MCF2: variants seen among roughly 807,000 people sequenced by gnomAD.
The protein encoded by MCF2 is proto-oncogene DBL.
A neutral mutation model predicts 82.5 loss-of-function variants in MCF2; 44 were observed. That is an observed-to-expected ratio of 0.53 (90% CI 0.42 to 0.69). The LOEUF is 0.69. Among genes scored for constraint, MCF2 ranks in the 30% least tolerant of loss-of-function variants. The pLI, the probability that MCF2 is intolerant of heterozygous loss-of-function variation, is 0.00. For missense variants in MCF2, 623 were observed against 663.1 expected, an observed-to-expected ratio of 0.94 and a Z score of 0.66; for synonymous variants, 217 against 224.9, an observed-to-expected ratio of 0.96 and a Z score of 0.32.
intron 15 of MCF2, 28 bp downstream of exon 19, chrX:139,604,653 T>A: frequency 1.0e-6 from 1 of 988,763 alleles, no homozygotes; most frequent in South Asian, 2.4e-5. Flanking sequence ...TGCATATTTA[T>A]ATATATTTAA....
At chrX:139,587,727 C>G (rs1453448554) in exon 22 of MCF2, 2 of 1,186,847 alleles carry the variant, frequency 1.7e-6, no homozygotes, top group Non-Finnish European at 2.3e-6. Flanking sequence ...CATCATTCTG[C>G]TGAAGAGAAA....
intron 1 of MCF2, among the ~76,000 whole-genome samples, chrX:139,659,358 G>A (rs1282723736): frequency 9.0e-6 from 1 of 111,286 alleles, no homozygotes; most frequent in Non-Finnish European, 1.9e-5. Flanking sequence ...CATGATTTGA[G>A]TACATATCAC....
At chrX:139,699,745 CATCAGTTGATAG>C (rs1935452020) in intron 1 of MCF2, among the ~76,000 whole-genome samples, 1 of 112,173 alleles carries the variant, frequency 8.9e-6, no homozygotes, top group African/African-American at 3.2e-5. Context: ...TTTATTCATT[CATCAGTTGATAG>C]ATACCATGTT....
intron 1 of MCF2, among the ~76,000 whole-genome samples, chrX:139,665,706 T>C (rs1452881661): frequency 9.2e-6 from 1 of 108,933 alleles, no homozygotes; most frequent in East Asian, 2.9e-4. Flanking sequence ...TTGAATTTGG[T>C]GTTCCTGCAG....
At chrX:139,607,203 T>C (rs1475538631) in intron 12 of MCF2, 1 of 111,204 alleles carries the variant, frequency 9.0e-6, no homozygotes, top group African/African-American at 3.3e-5. Flanking sequence ...TAACTTGATA[T>C]GGTAATCATT....
At chrX:139,613,603 C>T (rs1402945873) in intron 10 of MCF2, among the ~76,000 whole-genome samples, 1 of 111,133 alleles carries the variant, frequency 9.0e-6, no homozygotes, top group East Asian at 2.8e-4. Flanking sequence ...GAAACTGAGG[C>T]TAAAGAGGCT....
intron 1 of MCF2, among the ~76,000 whole-genome samples, chrX:139,669,075 A>G (rs1934606945): frequency 8.9e-6 from 1 of 112,104 alleles, no homozygotes; most frequent in Non-Finnish European, 1.9e-5. Context: ...GTGCTTCAAA[A>G]GATACTAAGA....
At chrX:139,667,000 G>C (rs994628005) in intron 1 of MCF2, among the ~76,000 whole-genome samples, 1 of 110,651 alleles carries the variant, frequency 9.0e-6, no homozygotes, top group East Asian at 2.8e-4. Flanking sequence ...GTGTATTATT[G>C]ATGCTTTCAA....
At chrX:139,639,824 A>G (rs1344543774) in intron 1 of MCF2, among the ~76,000 whole-genome samples, 1 of 112,123 alleles carries the variant, frequency 8.9e-6, no homozygotes, top group East Asian at 2.8e-4. Flanking sequence ...TTGGTTACTT[A>G]CTATAAAAAT....
At chrX:139,638,527 A>G (rs1933370375) in intron 1 of MCF2, among the ~76,000 whole-genome samples, 1 of 111,735 alleles carries the variant, frequency 8.9e-6, no homozygotes. Context: ...GAGGGCACTC[A>G]TAAGTCAGTT....
chrX:139,619,499 TTAA>T lies in MCF2; in HGVS notation c.807+85_807+87del, dbSNP rs1470892670. ...TTATGGAAAAATAAAAATAAAGAAA[TTAA>T]TAATAAGGGTTTATACTACCTACTC... On this transcript the variant is annotated intron_variant, in intron 7 of 24. Coordinates refer to ENST00000370576, the Ensembl canonical transcript of MCF2. The T allele has an allele frequency of 1.3e-5, 9 of 670,006 alleles. No individual in the cohort carries two copies. The Admixed American group carries it at 2.5e-4, about 19-fold the overall frequency. 55.2% of individuals were successfully genotyped at this position (670,006 alleles called of 1,213,427 possible).
At chrX:139,642,569 G>T in exon 1 of MCF2, 1 of 1,206,450 alleles carries the variant, frequency 8.3e-7, no homozygotes, top group Non-Finnish European at 1.1e-6. Context: ...ACGCAACGTT[G>T]ATGAAATACG....
intron 1 of MCF2, among the ~76,000 whole-genome samples, chrX:139,696,587 C>T (rs1015188687): frequency 1.8e-5 from 2 of 110,369 alleles, no homozygotes; most frequent in South Asian, 7.7e-4. Flanking sequence ...CCATGCCTGG[C>T]TAATTTTTCT....
intron 1 of MCF2, among the ~76,000 whole-genome samples, chrX:139,672,454 T>C (rs1454588106): frequency 1.8e-5 from 2 of 112,598 alleles, no homozygotes; most frequent in Non-Finnish European, 3.7e-5. Flanking sequence ...TGTGGGTTTA[T>C]CAAAAATAGC....
At chrX:139,642,619 ATC>A in exon 1 of MCF2, 1 of 1,201,352 alleles carries the variant, frequency 8.3e-7, no homozygotes, top group South Asian at 1.8e-5. Context: ...GCAGCCAAAA[ATC>A]TCTATCAAAC....
chrX:139,594,912 C>T (rs1203893229), intron 19 of MCF2, among the ~76,000 whole-genome samples: 21 of 111,040 alleles, frequency 1.9e-4, no homozygotes, highest in African/African-American at 6.6e-4. Flanking sequence ...AAAAAGTGGG[C>T]GAAGGACATG....
chrX:139,665,962 T>G (rs186402005), intron 1 of MCF2, among the ~76,000 whole-genome samples: 2,754 of 98,279 alleles, frequency 0.028, 114 homozygotes, highest in African/African-American at 0.097. Context: ...ATGTATATTA[T>G]ATATATACAT....
intron 1 of MCF2, among the ~76,000 whole-genome samples, chrX:139,707,566 T>C (rs1431514883): frequency 9.0e-6 from 1 of 111,576 alleles, no homozygotes; most frequent in Non-Finnish European, 1.9e-5. Flanking sequence ...GAATGGTCTT[T>C]TACCCACTGA....
At chrX:139,629,525 A>G (rs1273053281) in intron 4 of MCF2, among the ~76,000 whole-genome samples, 170 bp downstream of exon 7, 1 of 111,958 alleles carries the variant, frequency 8.9e-6, no homozygotes, top group Non-Finnish European at 1.9e-5. Context: ...GGTCTAACAT[A>G]TCCAGGACAG....
Sources: allele counts gnomAD v4.1 joint callset (sites outside exome capture counted in the v4.1 genomes callset), GRCh38; gene constraint gnomAD v4.1.1; transcripts MANE v1.5; gene names NCBI Gene and HGNC (gene_info 2026-07-23, HGNC 2026-07-21).